Variants in SOX5 observed in about 807,000 individuals in gnomAD.
The protein encoded by SOX5 is transcription factor SOX-5.
SOX5 carries 9 observed loss-of-function variants against 92.0 expected under a neutral mutation model. The ratio of observed to expected loss-of-function variants is 0.10; its 90% CI spans 0.06 to 0.17. The LOEUF is 0.17. Among genes scored for constraint, SOX5 ranks in the 10% least tolerant of loss-of-function variants. The pLI is 1.00. For synonymous variants in SOX5, 344 were observed against 336.3 expected (o/e 1.02, Z -0.25); for missense variants, 642 against 944.5 (o/e 0.68, Z 4.20).
At chr12:24,436,211 C>T (rs181335112) in intron 1 of SOX5, among the ~76,000 whole-genome samples, 10 of 152,260 alleles carry the variant, frequency 6.6e-5, no homozygotes, top group East Asian at 1.9e-4. Flanking sequence ...GACCTAGCAA[C>T]GATTCCGGAT....
chr12:23,623,266 T>A (rs1016275523), intron 8 of SOX5, among the ~76,000 whole-genome samples: 1 of 152,154 alleles, frequency 6.6e-6, no homozygotes, highest in East Asian at 1.9e-4. Flanking sequence ...CATAAAGCAT[T>A]TAAGTATTAT....
chr12:24,490,707 G>A (rs536492931), intron 1 of SOX5, among the ~76,000 whole-genome samples: 20 of 152,156 alleles, frequency 1.3e-4, no homozygotes, highest in African/African-American at 4.8e-4. Context: ...TGGGTGGGTT[G>A]GAGGCACATG....
chr12:23,781,269 T>A (rs2095273519), intron 3 of SOX5, among the ~76,000 whole-genome samples: 1 of 151,940 alleles, frequency 6.6e-6, no homozygotes, highest in East Asian at 1.9e-4. Flanking sequence ...GAATTTTTTT[T>A]TTTTTTAATC....
intron 1 of SOX5, among the ~76,000 whole-genome samples, chr12:23,897,334 G>A (rs1346409629): frequency 1.3e-5 from 2 of 152,038 alleles, no homozygotes; most frequent in African/African-American, 4.8e-5. Context: ...AAGTACAGGA[G>A]ATATTCTATT....
chr12:23,881,331 C>G (rs190793060), intron 2 of SOX5, among the ~76,000 whole-genome samples: 1 of 152,270 alleles, frequency 6.6e-6, no homozygotes, highest in Non-Finnish European at 1.5e-5. Context: ...TCCTTTGGCC[C>G]CCTCTTTTTC....
intron 4 of SOX5, among the ~76,000 whole-genome samples, chr12:24,173,256 A>G (rs1565585931): frequency 6.6e-6 from 1 of 152,250 alleles, no homozygotes; most frequent in Non-Finnish European, 1.5e-5. Context: ...ATCTGCAAAC[A>G]AGATGGTTTC....
intron 1 of SOX5, among the ~76,000 whole-genome samples, chr12:24,530,043 C>G (rs989027293): frequency 6.9e-6 from 1 of 144,602 alleles, no homozygotes; most frequent in Middle Eastern, 3.6e-3. Context: ...AAAAAAAAAG[C>G]CGTACAAGTA....
intron 6 of SOX5, among the ~76,000 whole-genome samples, chr12:23,710,394 C>T (rs931825039): frequency 8.5e-5 from 13 of 152,124 alleles, no homozygotes; most frequent in Non-Finnish European, 1.5e-4. Flanking sequence ...TCCCCGCTTC[C>T]CCTACCCCAC....
intron 1 of SOX5, among the ~76,000 whole-genome samples, chr12:24,540,540 C>T (rs1323841313): frequency 6.6e-6 from 1 of 152,052 alleles, no homozygotes; most frequent in African/African-American, 2.4e-5. Flanking sequence ...CAATTTTAGC[C>T]ATTTTCATCA....
chr12:24,541,097 A>G lies in SOX5; in HGVS notation c.-251+21232T>C, dbSNP rs143608677. Among the ~76,000 whole-genome samples, 626 of 152,328 alleles carry G rather than the reference A, an allele frequency of 4.1e-3. 4 individuals carry two copies. Among genetic ancestry groups the G allele is most frequent in the African/African-American group, 0.014 (601 of 41,576 alleles). On this transcript the variant is annotated intron_variant, in intron 1 of 4. Coordinates refer to the SOX5 transcript ENST00000446891. The stretch of plus-strand genomic sequence containing the variant: ...AAACTTTTCTCTCCTATAAACAGTC[A>G]AAATCTGGCAAGAGCTCACTGTGGG...
intron 4 of SOX5, among the ~76,000 whole-genome samples, chr12:23,966,646 TG>T (rs138418303): frequency 0.056 from 8,469 of 152,224 alleles, 750 homozygotes; most frequent in East Asian, 0.42. Context: ...ATTTATTATG[TG>T]CGTGTCTAAG....
chr12:24,556,987 T>G (rs1446285001), intron 1 of SOX5, among the ~76,000 whole-genome samples: 1 of 152,172 alleles, frequency 6.6e-6, no homozygotes, highest in African/African-American at 2.4e-5. Flanking sequence ...TAGCTAACAT[T>G]TATTGAGCAC....
intron 3 of SOX5, among the ~76,000 whole-genome samples, chr12:23,799,084 G>T (rs1366177154): frequency 1.3e-5 from 2 of 151,832 alleles, no homozygotes; most frequent in Non-Finnish European, 2.9e-5. Context: ...AGAGCTTTTT[G>T]GGGGTTCCAC....
At chr12:24,246,230 G>A (rs7962766) in intron 3 of SOX5, among the ~76,000 whole-genome samples, 4,292 of 148,894 alleles carry the variant, frequency 0.029, 84 homozygotes, top group Non-Finnish European at 0.045. Flanking sequence ...GCTTGCTTCA[G>A]TTTTTTGCCT....
chr12:23,594,227 T>A (rs1952015422), intron 9 of SOX5, among the ~76,000 whole-genome samples: 3 of 151,836 alleles, frequency 2.0e-5, no homozygotes, highest in Admixed American at 6.6e-5. Flanking sequence ...CAGGAAGTAT[T>A]CTGCGTTGAA....
At chr12:23,741,147 A>G in intron 4 of SOX5, 108 bp from the exon 5 acceptor site, 1 of 736,390 alleles carries the variant, frequency 1.4e-6, no homozygotes, top group Non-Finnish European at 2.0e-6. Context: ...AAAGTTCAAT[A>G]AACACAAAAG....
intron 1 of SOX5, among the ~76,000 whole-genome samples, chr12:24,424,807 TTGGG>T (rs950131266): frequency 2.3e-5 from 3 of 131,168 alleles, no homozygotes; most frequent in African/African-American, 8.7e-5. Flanking sequence ...AGTTTTTTTT[TTGGG>T]GGGGGGGGAT....
At chr12:23,569,832 T>C (rs1442505138) in intron 10 of SOX5, among the ~76,000 whole-genome samples, 1 of 152,262 alleles carries the variant, frequency 6.6e-6, no homozygotes, top group Non-Finnish European at 1.5e-5. Context: ...CACACATGTG[T>C]TCCTTCAAAA....
At chr12:24,183,288 C>T (rs1955692660) in intron 4 of SOX5, among the ~76,000 whole-genome samples, 2 of 152,156 alleles carry the variant, frequency 1.3e-5, no homozygotes, top group Non-Finnish European at 2.9e-5. Context: ...TTTTACAAAC[C>T]TCTGATGTTG....
Sources: allele counts gnomAD v4.1 joint callset (sites outside exome capture counted in the v4.1 genomes callset), GRCh38; gene constraint gnomAD v4.1.1; transcripts MANE v1.5; gene names NCBI Gene and HGNC (gene_info 2026-07-23, HGNC 2026-07-21).